COL11A1: variants seen among roughly 807,000 people sequenced by gnomAD.
The protein encoded by COL11A1 is collagen type XI alpha 1 chain.
In COL11A1, 74 loss-of-function variants were observed where a neutral mutation model predicts 265.2. The observed-to-expected ratio is 0.28, with a 90% CI of 0.23 to 0.34. The LOEUF is 0.34. Ranked by LOEUF, COL11A1 falls within the 10% of genes least tolerant of loss-of-function variation. The pLI, the probability that COL11A1 is intolerant of heterozygous loss-of-function variation, is 1.00. For missense variants in COL11A1, 2,165 were observed against 2,263.6 expected (o/e 0.96, Z 0.88); for synonymous variants, 816 against 727.6 (o/e 1.12, Z -1.96).
intron 1 of COL11A1, among the ~76,000 whole-genome samples, chr1:103,103,596 A>C (rs1024261706): frequency 6.6e-6 from 1 of 151,982 alleles, no homozygotes; most frequent in African/African-American, 2.4e-5. Flanking sequence ...TTTTCACTAT[A>C]TCTACCTTCT....
intron 4 of COL11A1, among the ~76,000 whole-genome samples, chr1:103,046,902 G>T (rs1216848929): frequency 1.1e-4 from 17 of 152,110 alleles, no homozygotes; most frequent in Non-Finnish European, 4.4e-5. Flanking sequence ...GTTTGTCAAA[G>T]ATCAGATAGC....
At chr1:103,047,649 G>T (rs1669409381) in intron 4 of COL11A1, among the ~76,000 whole-genome samples, 1 of 152,192 alleles carries the variant, frequency 6.6e-6, no homozygotes, top group African/African-American at 2.4e-5. Context: ...TGTTGAATAG[G>T]AGTGGTGAGA....
intron 4 of COL11A1, among the ~76,000 whole-genome samples, chr1:103,052,981 A>C (rs761867369): frequency 6.6e-6 from 1 of 152,218 alleles, no homozygotes; most frequent in Non-Finnish European, 1.5e-5. Flanking sequence ...AAAGTTAATA[A>C]AGTACTGCAG....
At position 102,994,406 on chromosome 1, in the gene COL11A1, T is replaced by C. The variant is rs773520501; in HGVS notation, c.2340+1458A>G. Among the ~76,000 whole-genome samples, 8 of 152,146 alleles carry C rather than the reference T, an allele frequency of 5.3e-5. No individual in the cohort carries two copies. The East Asian group carries it at 5.8e-4, about 11-fold the overall frequency. On this transcript the variant is annotated intron_variant, in intron 28 of 66. Transcript: ENST00000370096. ...CAGGAGATTTGATTGTTTAAAAGCA[T>C]GTGGCACCTTCTTCACCCCCTCCTG...
chr1:102,945,331 G>T (rs1366842993), intron 42 of COL11A1, among the ~76,000 whole-genome samples: 1 of 148,574 alleles, frequency 6.7e-6, no homozygotes, highest in Non-Finnish European at 1.5e-5. Flanking sequence ...GTGCCAAGAA[G>T]TTCTTTACCA....
intron 46 of COL11A1, among the ~76,000 whole-genome samples, chr1:102,928,372 T>C (rs1656906005): frequency 1.3e-5 from 2 of 151,536 alleles, no homozygotes; most frequent in Non-Finnish European, 2.9e-5. Flanking sequence ...GTTCTTGCGA[T>C]AGTTTACTGA....
At chr1:102,898,522 T>C (rs1394343791) in intron 56 of COL11A1, 144 bp downstream of exon 56, 5 of 627,950 alleles carry the variant, frequency 8.0e-6, no homozygotes, top group Non-Finnish European at 1.4e-5. Context: ...AGAATATCTT[T>C]TTTACATTAT....
At position 102,934,622 on chromosome 1, in the gene COL11A1, A is replaced by T. The variant is rs1009836004; in HGVS notation, c.3493-66T>A. On this transcript the variant is annotated intron_variant, in intron 45 of 66. Transcript: ENST00000370096. ...TCATTACGATATGAGTCATTAAAAAATGTGGCCATTTCTAATTTAATCAAA... is the reference window on the plus strand; with the variant it reads ...TCATTACGATATGAGTCATTAAAAATTGTGGCCATTTCTAATTTAATCAAA... 2.1e-5 allele frequency: 27 copies of T among 1,274,844 alleles called. No homozygotes were observed. In the Middle Eastern group the frequency reaches 5.5e-4, roughly 26 times the overall value. 79.0% of individuals were successfully genotyped at this position (1,274,844 alleles called of 1,614,324 possible).
intron 4 of COL11A1, among the ~76,000 whole-genome samples, chr1:103,056,254 C>G (rs1196073244): frequency 6.6e-6 from 1 of 151,954 alleles, no homozygotes; most frequent in Non-Finnish European, 1.5e-5. Context: ...AGGGGAATTG[C>G]CTAATTTTTG....
chr1:103,027,896 TA>T (rs1469754508), intron 5 of COL11A1, among the ~76,000 whole-genome samples: 1 of 152,204 alleles, frequency 6.6e-6, no homozygotes, highest in Non-Finnish European at 1.5e-5. Context: ...CTAACTTTCA[TA>T]ATTCTGTCCT....
intron 57 of COL11A1, 65 bp from the exon 58 acceptor site, chr1:102,890,569 T>C (rs994096631): frequency 3.2e-5 from 43 of 1,349,600 alleles, no homozygotes; most frequent in African/African-American, 1.3e-4. Context: ...GAGAATCCTA[T>C]AACTAGTCAC....
At chr1:102,911,785 T>G (rs1334323862) in intron 54 of COL11A1, among the ~76,000 whole-genome samples, 1 of 152,184 alleles carries the variant, frequency 6.6e-6, no homozygotes, top group African/African-American at 2.4e-5. Flanking sequence ...TGCATTCATG[T>G]TTTTACAATG....
chr1:102,982,752 A>G (rs1162243709), intron 31 of COL11A1, among the ~76,000 whole-genome samples: 1 of 152,098 alleles, frequency 6.6e-6, no homozygotes, highest in Non-Finnish European at 1.5e-5. Context: ...AAAGCTGTAT[A>G]GCAAGCCTAA....
intron 1 of COL11A1, among the ~76,000 whole-genome samples, chr1:103,106,213 G>A (rs777915462): frequency 6.6e-6 from 1 of 152,066 alleles, no homozygotes; most frequent in Non-Finnish European, 1.5e-5. Flanking sequence ...GGCTCAATGT[G>A]GAAAATAAAA....
chr1:102,885,942 C>A (rs915403114), intron 63 of COL11A1, among the ~76,000 whole-genome samples: 2 of 151,988 alleles, frequency 1.3e-5, no homozygotes, highest in African/African-American at 4.8e-5. Context: ...TTTGTGACAT[C>A]CTTTTTTTTA....
chr1:103,094,964 A>G (rs962623834), intron 1 of COL11A1, among the ~76,000 whole-genome samples: 3 of 152,034 alleles, frequency 2.0e-5, no homozygotes, highest in African/African-American at 7.2e-5. Context: ...GGGCAATACT[A>G]CTTTCTAGGT....
intron 3 of COL11A1, 28 bp downstream of exon 3, chr1:103,078,630 T>C (rs1264737719): frequency 6.3e-7 from 1 of 1,591,930 alleles, no homozygotes; most frequent in African/African-American, 1.3e-5. Context: ...TTGGCATAGC[T>C]AAAACATTGT....
intron 4 of COL11A1, among the ~76,000 whole-genome samples, chr1:103,054,053 T>C (rs1333781681): frequency 6.6e-6 from 1 of 152,186 alleles, no homozygotes; most frequent in Non-Finnish European, 1.5e-5. Context: ...CTAATGTGCA[T>C]TGAATTTGTG....
At position 103,090,448 on chromosome 1, in the gene COL11A1, G is replaced by T. The variant is rs112636083; in HGVS notation, c.107-7476C>A. 3.2e-3 allele frequency among the ~76,000 whole-genome samples: 490 copies of T among 152,212 alleles called. 5 individuals are homozygous for T. Among genetic ancestry groups the T allele is most frequent in the African/African-American group, 0.011 (476 of 41,546 alleles). On this transcript the variant is annotated intron_variant, in intron 1 of 66. Transcript: ENST00000370096. Reference sequence around the variant, plus strand: ...ATAATTTTCCTACTACTAATATTCTGCTATATTTCAAAATCATGATGGCTC... The same window carrying T: ...ATAATTTTCCTACTACTAATATTCTTCTATATTTCAAAATCATGATGGCTC...
Sources: gnomAD v4.1 joint callset for allele counts (sites outside exome capture counted in the v4.1 genomes callset) on GRCh38, gnomAD v4.1.1 for gene constraint, MANE v1.5 for transcripts, NCBI Gene and HGNC (gene_info 2026-07-23, HGNC 2026-07-21) for gene names.